The following DHX29 variants were observed in gnomAD, a reference collection of about 807,000 sequenced individuals.
DHX29 encodes the protein DExH-box helicase 29, also known as ATP-dependent RNA helicase DHX29.
A neutral mutation model predicts 167.9 loss-of-function variants in DHX29; 79 were observed. The ratio of observed to expected loss-of-function variants is 0.47; its 90% confidence interval spans 0.39 to 0.57. DHX29 has a LOEUF of 0.57. Ranked by LOEUF, DHX29 falls within the 20% of genes least tolerant of loss-of-function variation. The pLI, the probability that DHX29 is intolerant of heterozygous loss-of-function variation, is 0.00. For synonymous variants in DHX29, 530 were observed against 546.0 expected (o/e 0.97, Z 0.41); for missense variants, 1,347 against 1,593.4 (o/e 0.85, Z 2.63).
chr5:55,275,155 C>T (rs573072759), intron 14 of DHX29, 145 bp from the exon 15 acceptor site: 52 of 939,620 alleles, frequency 5.5e-5, no homozygotes, highest in African/African-American at 1.5e-4. Context: ...ATACAGGAAG[C>T]GTATACTTTT....
chr5:55,291,409 G>A (rs879650475), intron 6 of DHX29, among the ~76,000 whole-genome samples: 4 of 152,118 alleles, frequency 2.6e-5, no homozygotes, highest in Non-Finnish European at 4.4e-5. Flanking sequence ...AGGAGGGTTA[G>A]CTACCACCTC....
At chr5:55,286,350 G>T (rs192494865) in intron 8 of DHX29, among the ~76,000 whole-genome samples, 1 of 151,964 alleles carries the variant, frequency 6.6e-6, no homozygotes, top group Admixed American at 6.5e-5. Flanking sequence ...GATAGAACCC[G>T]GGAAAATTCT....
In DHX29 at chr5:55,298,683, A is replaced by C; in HGVS notation, c.188-19T>G. On this transcript the variant is annotated intron_variant, in intron 1 of 26. Coordinates refer to ENST00000251636, the MANE Select transcript of DHX29 (RefSeq NM_019030.4). Reference sequence around the variant, plus strand: ...TTTGGACCTGTAAATACAAATAGACAAGGCAATTTAATGATTAATATCTAT... The same window carrying C: ...TTTGGACCTGTAAATACAAATAGACCAGGCAATTTAATGATTAATATCTAT... The C allele has an allele frequency of 1.7e-6, 2 of 1,194,362 alleles. No homozygotes were observed. The highest frequency in any genetic ancestry group is 1.2e-6 in the Non-Finnish European group (1 of 807,128). 74.0% of individuals were successfully genotyped at this position (1,194,362 alleles called of 1,614,324 possible). A position where few individuals can be genotyped will look rare whatever the true frequency, so the allele number is the denominator to read the frequency against.
chr5:55,285,220 A>G, intron 10 of DHX29, 73 bp downstream of exon 10: 2 of 1,566,580 alleles, frequency 1.3e-6, no homozygotes, highest in Non-Finnish European at 8.7e-7. Context: ...GAAACAGTCA[A>G]TAAAGAGAAA....
chr5:55,261,068 A>T (rs1363934395), intron 25 of DHX29, among the ~76,000 whole-genome samples: 1 of 152,180 alleles, frequency 6.6e-6, no homozygotes, highest in East Asian at 1.9e-4. Context: ...TATAGAAATT[A>T]CCTAACAAGG....
chr5:55,278,228 CTATTT>C (rs1579779569), intron 12 of DHX29, among the ~76,000 whole-genome samples: 4 of 152,136 alleles, frequency 2.6e-5, no homozygotes. Context: ...TATTTCTACT[CTATTT>C]TATAACAGAT....
chr5:55,290,750 C>T (rs945460773), intron 6 of DHX29, among the ~76,000 whole-genome samples: 1 of 152,224 alleles, frequency 6.6e-6, no homozygotes, highest in Admixed American at 6.5e-5. Context: ...TGTGGTGGCT[C>T]ACGCCTATAA....
At position 55,267,681 on chromosome 5, in the gene DHX29, T is replaced by C. The variant is rs747972357; in HGVS notation, c.3431+5A>G. ...TTACTGATAACAGCCAGATTATGTT[T>C]TTACCCTAGATATGCATTGTAGATC... On this transcript the variant is annotated splice_donor_5th_base_variant and intron_variant, in intron 22 of 26. Transcript: ENST00000251636. 2 of 1,594,206 alleles carry C rather than the reference T, an allele frequency of 1.3e-6. No individual in the cohort carries two copies. The highest frequency in any genetic ancestry group is 1.7e-6 in the Non-Finnish European group (2 of 1,170,434).
chr5:55,257,431 T>C (rs1746106999), intron 26 of DHX29, among the ~76,000 whole-genome samples: 1 of 152,142 alleles, frequency 6.6e-6, no homozygotes, highest in Admixed American at 6.5e-5. Context: ...ACGTTTTTCT[T>C]TTTTATTTTT....
intron 26 of DHX29, among the ~76,000 whole-genome samples, chr5:55,257,569 C>T (rs1025901706): frequency 5.3e-5 from 8 of 152,224 alleles, no homozygotes; most frequent in African/African-American, 1.4e-4. Flanking sequence ...GGATTACAGG[C>T]GCAAGCCACC....
At chr5:55,283,858 G>T in intron 10 of DHX29, 47 bp from the exon 11 acceptor site, 6 of 1,466,522 alleles carry the variant, frequency 4.1e-6, no homozygotes, top group Non-Finnish European at 5.5e-6. Flanking sequence ...TATTCAATAT[G>T]GAAATTCAAT....
rs538043786 is a variant in DHX29, at chr5:55,290,322, G to T, written c.803C>A (p.Ala268Glu). 6.2e-7 allele frequency: 1 copy of T among 1,609,646 alleles called. No homozygotes were observed. The highest frequency in any genetic ancestry group is 1.7e-5 in the Admixed American group (1 of 59,108). The change falls in exon 7 of 27, where the codon GCA becomes GAA. Residue 268 changes from alanine (A) to glutamate (E), a missense_variant. By Grantham distance (107) the Ala-to-Glu change is moderately radical. Coordinates refer to ENST00000251636, the MANE Select transcript of DHX29 (RefSeq NM_019030.4). The part of the protein sequence containing the change: ...FDPNERYLHL[A>E]AKLLDAKEQA... ...TTCTTTTGCATCCAGCAGTTTTGCT[G>T]CAAGATGTAAGTACCTTTCATTCTG...
chr5:55,304,603 T>C (rs1339651172), intron 1 of DHX29, among the ~76,000 whole-genome samples: 3 of 152,012 alleles, frequency 2.0e-5, no homozygotes, highest in Non-Finnish European at 4.4e-5. Context: ...CCTAGCCACC[T>C]TCTTATATGA....
intron 25 of DHX29, among the ~76,000 whole-genome samples, 174 bp from the exon 26 acceptor site, chr5:55,260,118 A>T (rs1322296221): frequency 2.0e-5 from 3 of 152,216 alleles, no homozygotes; most frequent in African/African-American, 7.2e-5. Context: ...AAACCTGTCA[A>T]TTTCCTTATT....
intron 11 of DHX29, 25 bp downstream of exon 11, chr5:55,283,178 G>A: frequency 6.4e-7 from 1 of 1,553,880 alleles, no homozygotes; most frequent in Non-Finnish European, 8.7e-7. Flanking sequence ...ATCATTCACT[G>A]AGGTGGAGTT....
At position 55,276,309 on chromosome 5, in the gene DHX29, G is replaced by A. The variant is rs555191121; in HGVS notation, c.2384C>T (p.Thr795Ile). 6.2e-7 allele frequency: 1 copy of A among 1,600,868 alleles called. No individual in the cohort carries two copies. Among genetic ancestry groups the A allele is most frequent in the South Asian group, 1.1e-5 (1 of 87,990 alleles). The change falls in exon 14 of 27, where the codon ACC (threonine) becomes ATC (isoleucine). Residue 795 changes from threonine (T) to isoleucine (I), a missense_variant. Around this residue, in one of 3 missense-constraint regions of DHX29, gnomAD observed 882 missense variants for 1,082.4 expected, o/e 0.81. Transcript: ENST00000251636. ...QKFLEEEEEV[T>I]INVTSKAGGI... is the part of the protein sequence containing the mutation. ...CCCTGCTTTGCTTGTAACATTAATG[G>A]TTACTTCTTCTTCCTCTTCCAGAAA...
rs751399112 is a variant in DHX29 at position 55,281,479 on chromosome 5, G to A, written c.2002C>T (p.Arg668Ter). Residue 668 changes from arginine (R) to a stop codon, truncating the protein, a stop_gained, in exon 12 of 27, where the codon CGA becomes TGA. Transcript: ENST00000251636. LOFTEE classifies it high-confidence loss of function. ...AGTAACCTGGTAGATTCACAAGCTC[G>A]AGATTCCATCCGGATCTGATATCCA... ...LCGYQIRMES[R>*]ACESTRLLYC... The A allele has an allele frequency of 7.5e-6, 12 of 1,597,000 alleles. No individual in the cohort carries two copies. Among genetic ancestry groups the A allele is most frequent in the Admixed American group, 1.7e-5 (1 of 57,698 alleles).
chr5:55,256,465 G>A lies in DHX29; in HGVS notation c.*23C>T. 1 of 1,571,434 alleles carries A rather than the reference G, an allele frequency of 6.4e-7. No individual in the cohort carries two copies. Among genetic ancestry groups the A allele is most frequent in the Non-Finnish European group, 8.6e-7 (1 of 1,160,676 alleles). ...CTGTATCTTCATCTTAATTTTTAAA[G>A]CAGTTGACCATGAATTTCAGTTTCA... On this transcript the variant is annotated 3_prime_UTR_variant, in exon 27 of 27. Transcript: ENST00000251636.
In DHX29 at chr5:55,274,643, T is replaced by A. The variant is rs139564663; in HGVS notation, c.2661A>T (p.Leu887=). Residue 887 remains leucine (L), a synonymous_variant, in exon 16 of 27, where the codon CTA becomes CTT. Coordinates refer to ENST00000251636, the MANE Select transcript of DHX29 (RefSeq NM_019030.4). The stretch of plus-strand genomic sequence containing the variant: ...CAGAATAAAATCTTCTATCATTTGA[T>A]AGAAGATCATACAACTGCTGAATAT... ...LAHIQQLYDL[L]SNDRRFYSER... The A allele has an allele frequency of 1.2e-4, 189 of 1,601,720 alleles. No homozygotes were observed. In the African/African-American group the frequency reaches 2.2e-3, roughly 18 times the overall value.
Sources: allele counts gnomAD v4.1 joint callset (sites outside exome capture counted in the v4.1 genomes callset), GRCh38; gene constraint gnomAD v4.1.1; regional missense constraint gnomAD v4.1.1; transcripts MANE v1.5; gene names NCBI Gene and HGNC (gene_info 2026-07-23, HGNC 2026-07-21).